Variants in UTP3 observed in about 807,000 individuals in gnomAD.
UTP3 encodes UTP3 small subunit processome component.
UTP3 carries 19 observed loss-of-function variants against 37.9 expected under a neutral mutation model. That is an observed-to-expected ratio of 0.50 (90% CI 0.35 to 0.74). The LOEUF (loss-of-function observed/expected upper bound fraction) is 0.74. Among genes scored for constraint, UTP3 ranks in the 30% least tolerant of loss-of-function variants. The probability of loss-of-function intolerance (pLI) is 0.01; values close to 1 mark genes in which losing one functional copy is unlikely to be tolerated. For missense variants in UTP3, 504 were observed against 570.7 expected (o/e 0.88, Z 1.19); for synonymous variants, 242 against 218.5 (o/e 1.11, Z -0.95).
rs375905342 is a variant in UTP3, at chr4:70,688,954, G to C, written c.277G>C (p.Glu93Gln). 2.5e-6 allele frequency: 4 copies of C among 1,608,018 alleles called. No homozygotes were observed. The highest frequency in any genetic ancestry group is 2.6e-6 in the Non-Finnish European group (3 of 1,176,258). Residue 93 changes from glutamate to glutamine, a missense_variant, in exon 1 of 1, where the codon GAA becomes CAA. Physicochemically the swap from Glu to Gln is conservative, Grantham distance 29 (BLOSUM62 2). Coordinates refer to ENST00000254803, the MANE Select transcript of UTP3 (RefSeq NM_020368.3). ...LALDMDDEDD[E>Q]DGGNAGEEEE... ...CCTAGATATGGACGATGAGGACGAC[G>C]AAGATGGAGGGAATGCGGGGGAGGA...
In UTP3 at chr4:70,688,992, G is replaced by A. The variant is rs139575168; in HGVS notation, c.315G>A (p.Glu105=). The change falls in exon 1 of 1, where the codon GAG becomes GAA. Residue 105 remains glutamate (E), a synonymous_variant. Transcript: ENST00000254803. ...GGNAGEEEEE[E]NADDDGGSSV... is the part of the protein sequence containing the mutation. The stretch of plus-strand genomic sequence containing the variant: ...ATGCGGGGGAGGAGGAGGAGGAGGA[G>A]AATGCCGATGATGATGGTGGGAGCT... 1.9e-5 allele frequency: 31 copies of A among 1,592,380 alleles called. No homozygotes were observed. The highest frequency in any genetic ancestry group is 2.6e-5 in the Non-Finnish European group (30 of 1,168,016).
Position 70,690,304 on chromosome 4 carries a change from T to C in UTP3, c.*187T>C. 1.9e-6 allele frequency: 1 copy of C among 527,342 alleles called. No individual in the cohort carries two copies. Among genetic ancestry groups the C allele is most frequent in the Non-Finnish European group, 3.0e-6 (1 of 335,698 alleles). The allele number at this position is 527,342 out of a possible 1,614,324, so 32.7% of individuals were successfully genotyped here. A position where few individuals can be genotyped will look rare whatever the true frequency, so the allele number is the denominator to read the frequency against. ...ATATGAAGGTGCTTGAGAAAAGAGA[T>C]GATGTTGAAGTTTTCCAATATTCTG... On this transcript the variant is annotated 3_prime_UTR_variant, in exon 1 of 1. Coordinates refer to ENST00000254803, the MANE Select transcript of UTP3 (RefSeq NM_020368.3).
rs753958793 is a variant in UTP3, at chr4:70,689,656, A to C, written c.979A>C (p.Thr327Pro). 1.9e-6 allele frequency: 3 copies of C among 1,614,110 alleles called. No individual in the cohort carries two copies. The highest frequency in any genetic ancestry group is 4.5e-5 in the East Asian group (2 of 44,900). Residue 327 changes from threonine (T) to proline (P), a missense_variant, in exon 1 of 1, where the codon ACA (threonine) becomes CCA (proline). Transcript: ENST00000254803. ...GTCCTCAGAAATTCGTCATCTGTTG[A>C]CACTTAAGGATGATGCTGTAAAGAA... ...KLSSEIRHLL[T>P]LKDDAVKKEL... is the part of the protein sequence containing the mutation.
Position 70,690,111 on chromosome 4 carries a change from TAAATG to T in UTP3, c.1437_*1del. The T allele has an allele frequency of 6.3e-7, 1 of 1,581,684 alleles. No homozygotes were observed. Among genetic ancestry groups the T allele is most frequent in the Non-Finnish European group, 8.6e-7 (1 of 1,168,754 alleles). Reference sequence around the variant, plus strand: ...CAGGAGTTAAAAAGAGCATTAAGCTTAAATGAAGTTTTTGCTTAGCATAAGGTTTT... The same window carrying T: ...CAGGAGTTAAAAAGAGCATTAAGCTTAAGTTTTTGCTTAGCATAAGGTTTT... On this transcript the variant is annotated frameshift_variant and stop_lost, in exon 1 of 1. Transcript: ENST00000254803. LOFTEE classifies it high-confidence loss of function.
chr4:70,689,985 CAGAG>C lies in UTP3; in HGVS notation c.1312_1315del (p.Glu438SerfsTer46). The C allele has an allele frequency of 1.2e-6, 2 of 1,614,050 alleles. No individual in the cohort carries two copies. Among genetic ancestry groups the C allele is most frequent in the Non-Finnish European group, 1.7e-6 (2 of 1,180,016 alleles). On this transcript the variant is annotated frameshift_variant, in exon 1 of 1. Transcript: ENST00000254803. LOFTEE classifies it high-confidence loss of function. ...TTGATCGCAATCCCAGAGTGAAACACAGAGAGAAGTTCAGAAGAGCCAAAATTAG... is the reference window on the plus strand; with the variant it reads ...TTGATCGCAATCCCAGAGTGAAACACAGAAGTTCAGAAGAGCCAAAATTAG...
In UTP3 at chr4:70,689,960, T is replaced by C. The variant is rs1739586173; in HGVS notation, c.1283T>C (p.Ile428Thr). Residue 428 changes from isoleucine to threonine, a missense_variant, in exon 1 of 1, where the codon ATT becomes ACT. By Grantham distance (89) the Ile-to-Thr change is moderately conservative. Coordinates refer to ENST00000254803, the MANE Select transcript of UTP3 (RefSeq NM_020368.3). ...GGACTTACTCCTAGGAGAAAGAAGA[T>C]TGATCGCAATCCCAGAGTGAAACAC... is the stretch of plus-strand genomic sequence containing the variant. ...NRGLTPRRKK[I>T]DRNPRVKHRE... 6.2e-7 allele frequency: 1 copy of C among 1,614,090 alleles called. No individual in the cohort carries two copies. The highest frequency in any genetic ancestry group is 8.5e-7 in the Non-Finnish European group (1 of 1,180,018).
chr4:70,689,142 G>A lies in UTP3; in HGVS notation c.465G>A (p.Glu155=). The change falls in exon 1 of 1, where the codon GAG becomes GAA. Residue 155 remains glutamate, a synonymous_variant. Transcript: ENST00000254803. ...GCCGGCAGAGTCAACAGGAGGCAGAGGAGGAGGAAAGAGAGGAGGAGGAGG... is the reference window on the plus strand; with the variant it reads ...GCCGGCAGAGTCAACAGGAGGCAGAAGAGGAGGAAAGAGAGGAGGAGGAGG... ...SRGRQSQQEA[E]EEEREEEEEA... The A allele has an allele frequency of 1.2e-6, 2 of 1,613,836 alleles. No individual in the cohort carries two copies. Among genetic ancestry groups the A allele is most frequent in the Non-Finnish European group, 1.7e-6 (2 of 1,179,924 alleles).
Position 70,688,636 on chromosome 4 carries a change from G to A in UTP3, c.-42G>A, listed in dbSNP as rs1271924082. The A allele has an allele frequency of 1.3e-6, 2 of 1,561,810 alleles. No homozygotes were observed. Among genetic ancestry groups the A allele is most frequent in the Admixed American group, 1.9e-5 (1 of 53,636 alleles). On this transcript the variant is annotated 5_prime_UTR_variant, in exon 1 of 1. Transcript: ENST00000254803. ...GATTCCTGCGCCGAAGTCAGTGGTG[G>A]CCGAAAGTCCGGAGTCGCTGTAAAA...
chr4:70,689,223 T>A lies in UTP3; in HGVS notation c.546T>A (p.Gly182=), dbSNP rs766089800. Residue 182 remains glycine (G), a synonymous_variant, in exon 1 of 1, where the codon GGT becomes GGA. Coordinates refer to ENST00000254803, the MANE Select transcript of UTP3 (RefSeq NM_020368.3). ...LAQALQEDDF[G]VAWVEAFAKP... is the part of the protein sequence containing the mutation. ...AAGCGCTGCAAGAGGATGATTTTGG[T>A]GTCGCCTGGGTTGAGGCCTTTGCAA... is the stretch of plus-strand genomic sequence containing the variant. 2.5e-6 allele frequency: 4 copies of A among 1,614,094 alleles called. No homozygotes were observed. The highest frequency in any genetic ancestry group is 3.4e-6 in the Non-Finnish European group (4 of 1,179,974).
In UTP3 at chr4:70,688,981, G is replaced by A. The variant is rs1023352278; in HGVS notation, c.304G>A (p.Glu102Lys). The change falls in exon 1 of 1, where the codon GAG (glutamate) becomes AAG (lysine). Residue 102 changes from glutamate to lysine, a missense_variant. Coordinates refer to ENST00000254803, the MANE Select transcript of UTP3 (RefSeq NM_020368.3). ...AGATGGAGGGAATGCGGGGGAGGAG[G>A]AGGAGGAGGAGAATGCCGATGATGA... ...DEDGGNAGEEEEEENADDDGG... is the reference protein window; with the variant it reads ...DEDGGNAGEEKEEENADDDGG... 1 of 1,597,952 alleles carries A rather than the reference G, an allele frequency of 6.3e-7. No homozygotes were observed.
At position 70,689,192 on chromosome 4, in the gene UTP3, T is replaced by G. The variant is rs140266757; in HGVS notation, c.515T>G (p.Leu172Arg). 49 of 1,614,080 alleles carry G rather than the reference T, an allele frequency of 3.0e-5. No homozygotes were observed. The highest frequency in any genetic ancestry group is 3.6e-5 in the Non-Finnish European group (43 of 1,179,978). ...EEEAQIIQRR[L>R]AQALQEDDFG... Reference sequence around the variant, plus strand: ...GAGGCACAGATCATTCAGCGGCGCCTAGCCCAAGCGCTGCAAGAGGATGAT... The same window carrying G: ...GAGGCACAGATCATTCAGCGGCGCCGAGCCCAAGCGCTGCAAGAGGATGAT... The change falls in exon 1 of 1, where the codon CTA becomes CGA. Residue 172 changes from leucine (L) to arginine (R), a missense_variant. Physicochemically the swap from Leu to Arg is moderately radical, Grantham distance 102 (BLOSUM62 -2). Transcript: ENST00000254803.
At position 70,689,749 on chromosome 4, in the gene UTP3, G is replaced by A; in HGVS notation, c.1072G>A (p.Ala358Thr). 1 of 1,614,168 alleles carries A rather than the reference G, an allele frequency of 6.2e-7. No individual in the cohort carries two copies. Among genetic ancestry groups the A allele is most frequent in the Non-Finnish European group, 8.5e-7 (1 of 1,180,026 alleles). The change falls in exon 1 of 1, where the codon GCC (alanine) becomes ACC (threonine). Residue 358 changes from alanine (A) to threonine (T), a missense_variant. Ala to Thr is a moderately conservative substitution (Grantham distance 58). Coordinates refer to ENST00000254803, the MANE Select transcript of UTP3 (RefSeq NM_020368.3). ...GTCTGTTTCAAAGACTTCTGCTGCT[G>A]CCTGTGCTGTTACAGATCTTTCTGA... Reference protein sequence around the residue: ...PKSVSKTSAAACAVTDLSDDS... With the variant: ...PKSVSKTSAATCAVTDLSDDS...
rs1157784038 is a variant in UTP3, at chr4:70,690,455, A to C, written c.*338A>C. ...CATCTTTGACAGTTATCTTATTTGT[A>C]AGGCAGCCTATAAAATAGTTCTGAA... On this transcript the variant is annotated 3_prime_UTR_variant, in exon 1 of 1. Transcript: ENST00000254803. The C allele has an allele frequency of 1.1e-5, 2 of 179,764 alleles. No individual in the cohort carries two copies. Among genetic ancestry groups the C allele is most frequent in the Non-Finnish European group, 2.6e-5 (2 of 76,794 alleles). 11.1% of individuals were successfully genotyped at this position (179,764 alleles called of 1,614,324 possible).
At position 70,690,379 on chromosome 4, in the gene UTP3, T is replaced by C. The variant is rs528585934; in HGVS notation, c.*262T>C. ...TAGCTTAGGGAAATTTCACAGTTCA[T>C]TGTGGAGTGTTAAACTTAGAACATG... is the stretch of plus-strand genomic sequence containing the variant. On this transcript the variant is annotated 3_prime_UTR_variant, in exon 1 of 1. Transcript: ENST00000254803. 1.2e-5 allele frequency: 3 copies of C among 260,538 alleles called. No homozygotes were observed. Among genetic ancestry groups the C allele is most frequent in the Non-Finnish European group, 2.3e-5 (3 of 132,854 alleles). 16.1% of individuals were successfully genotyped at this position (260,538 alleles called of 1,614,324 possible). A position where few individuals can be genotyped will look rare whatever the true frequency, so the allele number is the denominator to read the frequency against.
At position 70,689,590 on chromosome 4, in the gene UTP3, C is replaced by T. The variant is rs532846486; in HGVS notation, c.913C>T (p.Arg305Ter). ...HPVIERLVTYRNLINKLSVVD... is the reference protein window; with the variant it reads ...HPVIERLVTY ...TGTCATAGAAAGGCTTGTTACCTAC[C>T]GAAATTTGATCAACAAGCTGTCCGT... The change falls in exon 1 of 1, where the codon CGA becomes TGA. Residue 305 changes from arginine (R) to a stop codon, truncating the protein, a stop_gained. Coordinates refer to ENST00000254803, the MANE Select transcript of UTP3 (RefSeq NM_020368.3). LOFTEE classifies it high-confidence loss of function. The T allele has an allele frequency of 1.9e-6, 3 of 1,614,136 alleles. No homozygotes were observed. Among genetic ancestry groups the T allele is most frequent in the Non-Finnish European group, 2.5e-6 (3 of 1,180,028 alleles).
chr4:70,688,926 A>G lies in UTP3; in HGVS notation c.249A>G (p.Leu83=). The G allele has an allele frequency of 6.2e-7, 1 of 1,611,176 alleles. No homozygotes were observed. Among genetic ancestry groups the G allele is most frequent in the Non-Finnish European group, 8.5e-7 (1 of 1,178,438 alleles). The change falls in exon 1 of 1, where the codon CTA becomes CTG. Residue 83 remains leucine, a synonymous_variant. Transcript: ENST00000254803. The part of the protein sequence containing the change: ...EDGEEEEEEV[L]ALDMDDEDDE... ...GCGAGGAGGAGGAGGAGGAGGTGCT[A>G]GCCCTAGATATGGACGATGAGGACG...
chr4:70,690,484 TTTTA>T lies in UTP3; in HGVS notation c.*372_*375del, dbSNP rs1228535801. On this transcript the variant is annotated 3_prime_UTR_variant, in exon 1 of 1. Coordinates refer to ENST00000254803, the MANE Select transcript of UTP3 (RefSeq NM_020368.3). ...CAGCCTATAAAATAGTTCTGAAGTA[TTTTA>T]TTTACCTAACTATAATTATTGGGCC... is the stretch of plus-strand genomic sequence containing the variant. 3 of 172,224 alleles carry T rather than the reference TTTTA, an allele frequency of 1.7e-5. No individual in the cohort carries two copies. The highest frequency in any genetic ancestry group is 7.2e-5 in the African/African-American group (3 of 41,590). The allele number at this position is 172,224 out of a possible 1,614,324, so 10.7% of individuals were successfully genotyped here. A position where few individuals can be genotyped will look rare whatever the true frequency, so the allele number is the denominator to read the frequency against.
In UTP3 at chr4:70,689,990, A is replaced by T. The variant is rs2148536624; in HGVS notation, c.1313A>T (p.Glu438Val). The T allele has an allele frequency of 6.2e-7, 1 of 1,614,162 alleles. No individual in the cohort carries two copies. Among genetic ancestry groups the T allele is most frequent in the Non-Finnish European group, 8.5e-7 (1 of 1,180,030 alleles). The change falls in exon 1 of 1, where the codon GAG (glutamate) becomes GTG (valine). Residue 438 changes from glutamate to valine, a missense_variant. Physicochemically the swap from Glu to Val is moderately radical, Grantham distance 121. Coordinates refer to ENST00000254803, the MANE Select transcript of UTP3 (RefSeq NM_020368.3). ...CGCAATCCCAGAGTGAAACACAGAG[A>T]GAAGTTCAGAAGAGCCAAAATTAGA... ...IDRNPRVKHR[E>V]KFRRAKIRRR...
In UTP3 at chr4:70,689,582, T is replaced by C; in HGVS notation, c.905T>C (p.Val302Ala). The change falls in exon 1 of 1, where the codon GTT becomes GCT. Residue 302 changes from valine to alanine, a missense_variant. Val to Ala is a moderately conservative substitution (Grantham distance 64). Transcript: ENST00000254803. ...AHGHPVIERL[V>A]TYRNLINKLS... is the part of the protein sequence containing the mutation. Reference sequence around the variant, plus strand: ...GGACATCCTGTCATAGAAAGGCTTGTTACCTACCGAAATTTGATCAACAAG... The same window carrying C: ...GGACATCCTGTCATAGAAAGGCTTGCTACCTACCGAAATTTGATCAACAAG... 6.2e-7 allele frequency: 1 copy of C among 1,614,224 alleles called. No individual in the cohort carries two copies. The highest frequency in any genetic ancestry group is 8.5e-7 in the Non-Finnish European group (1 of 1,180,032).
Sources: allele counts gnomAD v4.1 joint callset, GRCh38; gene constraint gnomAD v4.1.1; transcripts MANE v1.5; gene names NCBI Gene and HGNC (gene_info 2026-07-23, HGNC 2026-07-21).